The following LDLRAD4 variants were observed in gnomAD, a reference collection of about 807,000 sequenced individuals.
LDLRAD4 encodes the protein low density lipoprotein receptor class A domain containing 4, also known as low-density lipoprotein receptor class A domain-containing protein 4.
In LDLRAD4, 5 loss-of-function variants were observed where a neutral mutation model predicts 17.0. That is an observed-to-expected ratio of 0.29 (90% CI 0.15 to 0.62). The LOEUF is 0.62. Among genes scored for constraint, LDLRAD4 ranks in the 20% least tolerant of loss-of-function variants. The pLI is 0.84. For synonymous variants in LDLRAD4, 168 were observed against 171.8 expected (o/e 0.98, Z 0.17); for missense variants, 340 against 424.7 (o/e 0.80, Z 1.75).
intron 1 of LDLRAD4, among the ~76,000 whole-genome samples, chr18:13,287,321 T>C (rs1225141816): frequency 6.6e-6 from 1 of 152,258 alleles, no homozygotes; most frequent in African/African-American, 2.4e-5. Context: ...GGATGATCTG[T>C]TCTGTTATCA....
intron 1 of LDLRAD4, among the ~76,000 whole-genome samples, chr18:13,350,888 T>C (rs2144385117): frequency 6.6e-6 from 1 of 152,328 alleles, no homozygotes; most frequent in African/African-American, 2.4e-5. Context: ...AAATAGGGAA[T>C]CCTTTCCCCA....
At chr18:13,389,477 G>T (rs2086100160) in intron 2 of LDLRAD4, among the ~76,000 whole-genome samples, 1 of 152,196 alleles carries the variant, frequency 6.6e-6, no homozygotes, top group African/African-American at 2.4e-5. Context: ...CAGCTGGGGA[G>T]GAGCGGCACC....
At chr18:13,385,357 T>C (rs1385454032) in intron 1 of LDLRAD4, among the ~76,000 whole-genome samples, 1 of 152,214 alleles carries the variant, frequency 6.6e-6, no homozygotes, top group Admixed American at 6.5e-5. Flanking sequence ...GTTGTTTGAG[T>C]TCCTTACATA....
At chr18:13,357,391 T>C (rs2083409188) in intron 1 of LDLRAD4, among the ~76,000 whole-genome samples, 1 of 151,992 alleles carries the variant, frequency 6.6e-6, no homozygotes, top group South Asian at 2.1e-4. Flanking sequence ...ATTTATTTGT[T>C]GTAATGGATG....
intron 1 of LDLRAD4, among the ~76,000 whole-genome samples, chr18:13,374,282 C>T (rs1487837744): frequency 6.6e-6 from 1 of 152,226 alleles, no homozygotes; most frequent in East Asian, 1.9e-4. Context: ...TGACCCCACA[C>T]AGTCTCCTGT....
upstream of LDLRAD4, among the ~76,000 whole-genome samples, chr18:13,276,724 C>T (rs1013390072): frequency 6.6e-5 from 10 of 152,156 alleles, no homozygotes; most frequent in East Asian, 1.9e-4. Flanking sequence ...TCCCTCGTTG[C>T]GGACTCCTAT....
intron 3 of LDLRAD4, among the ~76,000 whole-genome samples, chr18:13,549,309 A>G (rs1432246287): frequency 6.6e-6 from 1 of 152,164 alleles, no homozygotes; most frequent in Non-Finnish European, 1.5e-5. Context: ...TGTTTAGGCT[A>G]AAACCATAAT....
chr18:13,322,296 T>TC (rs1250758124), intron 1 of LDLRAD4, among the ~76,000 whole-genome samples: 4 of 143,942 alleles, frequency 2.8e-5, no homozygotes, highest in African/African-American at 1.0e-4. Flanking sequence ...CTCACTTTTT[T>TC]TTTTTTTTTT....
chr18:13,584,066 C>G (rs976882982), intron 3 of LDLRAD4, among the ~76,000 whole-genome samples: 2 of 152,210 alleles, frequency 1.3e-5, no homozygotes, highest in Non-Finnish European at 2.9e-5. Context: ...CCGGCCCACC[C>G]GAAGCCACGT....
intron 1 of LDLRAD4, among the ~76,000 whole-genome samples, chr18:13,264,874 C>T (rs2044127338): frequency 6.6e-6 from 1 of 152,222 alleles, no homozygotes; most frequent in African/African-American, 2.4e-5. Context: ...TCTTCCCGAA[C>T]CTGGAGGATT....
At chr18:13,521,653 G>A (rs2093955025) in intron 3 of LDLRAD4, 1 of 151,942 alleles carries the variant, frequency 6.6e-6, no homozygotes, top group Non-Finnish European at 1.5e-5. Flanking sequence ...GGAAACTGAA[G>A]TTGTCACGGG....
intron 1 of LDLRAD4, among the ~76,000 whole-genome samples, chr18:13,237,272 G>A (rs560193002): frequency 6.6e-6 from 1 of 152,268 alleles, no homozygotes; most frequent in Admixed American, 6.5e-5. Flanking sequence ...GAAATGCAGG[G>A]GACTAAGTGC....
chr18:13,547,397 A>G (rs555448268), intron 3 of LDLRAD4, among the ~76,000 whole-genome samples: 1 of 152,350 alleles, frequency 6.6e-6, no homozygotes, highest in Non-Finnish European at 1.5e-5. Flanking sequence ...TCAGTGTCAC[A>G]GGATCCTTAG....
intron 3 of LDLRAD4, among the ~76,000 whole-genome samples, chr18:13,477,458 G>A (rs1434271875): frequency 1.3e-5 from 2 of 152,232 alleles, no homozygotes; most frequent in Non-Finnish European, 2.9e-5. Flanking sequence ...TATCAGGCGG[G>A]ATACTTGTCA....
Position 13,495,248 on chromosome 18 carries a change from G to A in LDLRAD4, c.181+56864G>A, listed in dbSNP as rs546274736. Among the ~76,000 whole-genome samples the A allele has an allele frequency of 1.7e-3, 257 of 152,318 alleles. 2 individuals are homozygous for A. Among genetic ancestry groups the A allele is most frequent in the African/African-American group, 5.9e-3 (246 of 41,564 alleles). On this transcript the variant is annotated intron_variant, in intron 3 of 5. Transcript: ENST00000359446. ...TTTGTCTCATGGCCTCGCTCCCTGC[G>A]TGGGGAGGTGGTTTCAGTTCCAGGG... is the stretch of plus-strand genomic sequence containing the variant.
intron 1 of LDLRAD4, among the ~76,000 whole-genome samples, chr18:13,382,293 T>C (rs1302832927): frequency 6.6e-6 from 1 of 152,222 alleles, no homozygotes; most frequent in East Asian, 1.9e-4. Context: ...TGTCTTTTAA[T>C]GAAAGATATA....
At chr18:13,514,610 G>A (rs1159203720) in intron 3 of LDLRAD4, 1 of 152,184 alleles carries the variant, frequency 6.6e-6, no homozygotes, top group African/African-American at 2.4e-5. Context: ...ACTGTCTTAA[G>A]ACTATTTAAA....
intron 1 of LDLRAD4, among the ~76,000 whole-genome samples, chr18:13,335,925 G>T (rs139780099): frequency 3.9e-5 from 6 of 152,244 alleles, no homozygotes; most frequent in Non-Finnish European, 8.8e-5. Context: ...ACTACCTGAG[G>T]CTGGGTAATT....
At chr18:13,453,385 C>T (rs182227388) in intron 3 of LDLRAD4, among the ~76,000 whole-genome samples, 77 of 152,226 alleles carry the variant, frequency 5.1e-4, no homozygotes, top group African/African-American at 1.9e-3. Context: ...GATTTGTGCA[C>T]TTTTTGTATC....
Sources: gnomAD v4.1 joint callset for allele counts (sites outside exome capture counted in the v4.1 genomes callset) on GRCh38, gnomAD v4.1.1 for gene constraint, MANE v1.5 for transcripts, NCBI Gene and HGNC (gene_info 2026-07-23, HGNC 2026-07-21) for gene names.